The following SHANK2 variants were observed in gnomAD, a reference collection of about 807,000 sequenced individuals.
SHANK2 encodes the protein SH3 and multiple ankyrin repeat domains 2, also known as SH3 and multiple ankyrin repeat domains protein 2.
In SHANK2, 43 loss-of-function variants were observed where a neutral mutation model predicts 133.7. That is an observed-to-expected ratio of 0.32 (90% CI 0.25 to 0.41). The LOEUF is 0.41. Among genes scored for constraint, SHANK2 ranks in the 10% least tolerant of loss-of-function variants. SHANK2 has a pLI of 1.00. For synonymous variants in SHANK2, 1,017 were observed against 952.8 expected, an observed-to-expected ratio of 1.07 and a Z score of -1.24; for missense variants, 1,994 against 2,235.8, an observed-to-expected ratio of 0.89 and a Z score of 2.18.
At chr11:70,582,588 T>G (rs1048567793) in intron 17 of SHANK2, among the ~76,000 whole-genome samples, 4 of 152,210 alleles carry the variant, frequency 2.6e-5, no homozygotes, top group Admixed American at 2.0e-4. Context: ...CCTCGTTCAC[T>G]GAGGGTGGCC....
chr11:71,243,034 C>T (rs1300476854), intron 1 of SHANK2, among the ~76,000 whole-genome samples: 2 of 152,088 alleles, frequency 1.3e-5, no homozygotes, highest in East Asian at 1.9e-4. Context: ...GAAGACAAAA[C>T]ACATCAAAAC....
At chr11:71,105,394 C>A (rs996415591) in intron 6 of SHANK2, among the ~76,000 whole-genome samples, 11 of 151,738 alleles carry the variant, frequency 7.2e-5, no homozygotes, top group African/African-American at 2.4e-4. Context: ...GGAGTTTGAG[C>A]CCAGCCTAGC....
At chr11:70,695,005 C>T (rs571327679) in intron 15 of SHANK2, among the ~76,000 whole-genome samples, 1 of 152,146 alleles carries the variant, frequency 6.6e-6, no homozygotes, top group South Asian at 2.1e-4. Flanking sequence ...TCAGGCTAAC[C>T]CTGCACCCGT....
At chr11:71,149,166 T>C (rs1267318841) in intron 2 of SHANK2, among the ~76,000 whole-genome samples, 2 of 152,186 alleles carry the variant, frequency 1.3e-5, no homozygotes, top group Admixed American at 1.3e-4. Flanking sequence ...ATATGCTGCC[T>C]GGGCATAAGG....
In SHANK2 at chr11:70,497,287, A is replaced by G. The variant is rs538261996; in HGVS notation, c.2308+3283T>C. On this transcript the variant is annotated intron_variant, in intron 21 of 25. Coordinates refer to ENST00000601538, the MANE Select transcript of SHANK2 (RefSeq NM_012309.5). ...ACTTTTCAGAAAAGCCACAGGACTG[A>G]GATTCCTGCTTCTCATTCTAGGCTC... is the stretch of plus-strand genomic sequence containing the variant. 8.5e-4 allele frequency among the ~76,000 whole-genome samples: 130 copies of G among 152,314 alleles called. 1 individual carries two copies. Among genetic ancestry groups the G allele is most frequent in the African/African-American group, 2.9e-3 (122 of 41,564 alleles).
chr11:70,758,765 C>T (rs1027794238), intron 14 of SHANK2, among the ~76,000 whole-genome samples: 8 of 152,190 alleles, frequency 5.3e-5, no homozygotes, highest in African/African-American at 1.2e-4. Flanking sequence ...GGCTTGTGGC[C>T]GTATCCCTCC....
chr11:70,539,453 C>T (rs782598507), intron 17 of SHANK2, among the ~76,000 whole-genome samples: 11 of 109,664 alleles, frequency 1.0e-4, no homozygotes, highest in Non-Finnish European at 1.5e-4. Flanking sequence ...GCTGTGACAC[C>T]GCGGTCTGGG....
At chr11:71,090,820 G>A (rs1283581030) in intron 8 of SHANK2, among the ~76,000 whole-genome samples, 7 of 152,130 alleles carry the variant, frequency 4.6e-5, no homozygotes, top group African/African-American at 1.7e-4. Context: ...AGGGCAGGCT[G>A]GAGACCCAGG....
At chr11:71,184,082 T>C (rs1280971956) in intron 2 of SHANK2, among the ~76,000 whole-genome samples, 6 of 152,110 alleles carry the variant, frequency 3.9e-5, no homozygotes, top group Non-Finnish European at 8.8e-5. Flanking sequence ...TGCCCATCTC[T>C]TGAGATTACC....
intron 14 of SHANK2, among the ~76,000 whole-genome samples, chr11:70,761,647 C>T (rs1946999662): frequency 6.6e-6 from 1 of 152,204 alleles, no homozygotes; most frequent in South Asian, 2.1e-4. Flanking sequence ...GCCATGTGTT[C>T]CAGTCCCTGG....
intron 17 of SHANK2, chr11:70,647,687 T>G (rs1477852491): frequency 6.6e-6 from 1 of 152,276 alleles, no homozygotes; most frequent in African/African-American, 2.4e-5. Context: ...ATTTGCAGTC[T>G]GTATCATGCT....
At chr11:70,508,016 T>C (rs1419629343) in intron 17 of SHANK2, among the ~76,000 whole-genome samples, 4 of 152,182 alleles carry the variant, frequency 2.6e-5, no homozygotes, top group Non-Finnish European at 5.9e-5. Flanking sequence ...CTCCAGGGTA[T>C]GGTTTAGATT....
chr11:70,604,159 CAG>C (rs1205960388), intron 17 of SHANK2: 8 of 152,410 alleles, frequency 5.2e-5, no homozygotes, highest in African/African-American at 1.7e-4. Context: ...GCTGCTCAGG[CAG>C]AGTCTCCCTT....
At chr11:71,065,638 C>A (rs1333279243) in intron 9 of SHANK2, among the ~76,000 whole-genome samples, 1 of 104,416 alleles carries the variant, frequency 9.6e-6, no homozygotes, top group Non-Finnish European at 1.8e-5. Flanking sequence ...GCAGAACTCT[C>A]CCAGGGAGAT....
rs1460058874 is a variant in SHANK2, at chr11:70,535,153, C to A, written c.2062-32222G>T. Among the ~76,000 whole-genome samples the A allele has an allele frequency of 1.3e-5, 2 of 152,172 alleles. No homozygotes were observed. Among genetic ancestry groups the A allele is most frequent in the Non-Finnish European group, 2.9e-5 (2 of 68,024 alleles). On this transcript the variant is annotated intron_variant, in intron 17 of 25. Coordinates refer to ENST00000601538, the MANE Select transcript of SHANK2 (RefSeq NM_012309.5). This position sits in a 1 kb window ranked among gnomAD's most constrained non-coding sequence, Gnocchi z 4.3. Reference sequence around the variant, plus strand: ...CATGACCAGGGATGGTTCCCACGAACACCTTCCTCCCTCCCACCCTCTATT... The same window carrying A: ...CATGACCAGGGATGGTTCCCACGAAAACCTTCCTCCCTCCCACCCTCTATT...
Position 71,075,699 on chromosome 11 carries a change from C to T in SHANK2, c.913-424G>A, listed in dbSNP as rs907007439. Among the ~76,000 whole-genome samples, 1,445 of 152,282 alleles carry T rather than the reference C, an allele frequency of 9.5e-3. 32 individuals carry two copies. The highest frequency in any genetic ancestry group is 0.034 in the African/African-American group (1,394 of 41,554). On this transcript the variant is annotated intron_variant, in intron 8 of 25. Coordinates refer to ENST00000601538, the MANE Select transcript of SHANK2 (RefSeq NM_012309.5). ...CAAGCTCCCCCTTCCAAGGGGGCAG[C>T]ACAAAATGGCCAGGAGAGGCCTTCA...
At chr11:70,481,033 TC>T in intron 25 of SHANK2, among the ~76,000 whole-genome samples, 1 of 152,332 alleles carries the variant, frequency 6.6e-6, no homozygotes, top group Admixed American at 6.5e-5. Flanking sequence ...CACTCACTCT[TC>T]CTTCCCCAAA....
intron 10 of SHANK2, among the ~76,000 whole-genome samples, chr11:70,923,974 T>C (rs1950390384): frequency 6.6e-6 from 1 of 152,146 alleles, no homozygotes; most frequent in East Asian, 1.9e-4. Context: ...GCTCCCCCAG[T>C]GCCCTTGTGA....
intron 10 of SHANK2, among the ~76,000 whole-genome samples, chr11:70,937,971 G>C (rs1347886445): frequency 6.6e-6 from 1 of 152,194 alleles, no homozygotes; most frequent in Non-Finnish European, 1.5e-5. Context: ...GTGCATGTGT[G>C]AGCGTGATCT....
Sources: allele counts gnomAD v4.1 joint callset (sites outside exome capture counted in the v4.1 genomes callset), GRCh38; gene constraint gnomAD v4.1.1; non-coding constraint Gnocchi (gnomAD v3.1); transcripts MANE v1.5; gene names NCBI Gene and HGNC (gene_info 2026-07-23, HGNC 2026-07-21).